The following TMEM39A variants were observed in gnomAD, a reference collection of about 807,000 sequenced individuals.
TMEM39A encodes suppressor of SQST-1 aggregates in rpl-43 mutants.
TMEM39A carries 19 observed loss-of-function variants against 51.9 expected under a neutral mutation model. The observed-to-expected ratio is 0.37, with a 90% CI of 0.26 to 0.54. The LOEUF (loss-of-function observed/expected upper bound fraction) is 0.54, where lower values mean the gene tolerates loss of function less well. Among genes scored for constraint, TMEM39A ranks in the 20% least tolerant of loss-of-function variants. The probability of loss-of-function intolerance (pLI) is 0.88; values close to 1 mark genes in which losing one functional copy is unlikely to be tolerated. For missense variants in TMEM39A, 433 were observed against 590.5 expected, an observed-to-expected ratio of 0.73 and a Z score of 2.76; for synonymous variants, 197 against 220.2, an observed-to-expected ratio of 0.89 and a Z score of 0.93.
At chr3:119,449,147 A>G (rs2081165749) in intron 4 of TMEM39A, among the ~76,000 whole-genome samples, 1 of 151,914 alleles carries the variant, frequency 6.6e-6, no homozygotes, top group Non-Finnish European at 1.5e-5. Flanking sequence ...AGGGGCAGAA[A>G]AATATTCATA....
chr3:119,451,408 G>A, intron 4 of TMEM39A: 4 of 779,738 alleles, frequency 5.1e-6, no homozygotes, highest in Non-Finnish European at 7.4e-6. Flanking sequence ...TGAATTATAA[G>A]TTCCAAGATT....
rs1577070457 is a variant in TMEM39A at position 119,463,517 on chromosome 3, C to G, written c.-256G>C. 1 of 398,878 alleles carries G rather than the reference C, an allele frequency of 2.5e-6. No individual in the cohort carries two copies. The highest frequency in any genetic ancestry group is 3.6e-5 in the East Asian group (1 of 28,076). 24.7% of individuals were successfully genotyped at this position (398,878 alleles called of 1,614,324 possible). On this transcript the variant is annotated 5_prime_UTR_variant, in exon 1 of 9. Coordinates refer to ENST00000319172, the MANE Select transcript of TMEM39A (RefSeq NM_018266.3). ...TGTCCAGGCTTCGGGCTGCCAGACT[C>G]AGACCCAGACTCCGACGCAGTTCCA...
At chr3:119,462,988 C>A (rs773977683) in intron 1 of TMEM39A, among the ~76,000 whole-genome samples, 9 of 152,072 alleles carry the variant, frequency 5.9e-5, no homozygotes, top group Non-Finnish European at 1.0e-4. Context: ...CAACTAAAAC[C>A]CAAGGATGAC....
chr3:119,440,185 G>A (rs1384384517), intron 5 of TMEM39A, among the ~76,000 whole-genome samples: 1 of 152,082 alleles, frequency 6.6e-6, no homozygotes, highest in Non-Finnish European at 1.5e-5. Context: ...TAGAGGTGGG[G>A]ATAAGAGGCT....
intron 2 of TMEM39A, among the ~76,000 whole-genome samples, chr3:119,459,436 G>A (rs1013317661): frequency 1.3e-5 from 2 of 152,114 alleles, no homozygotes; most frequent in Non-Finnish European, 2.9e-5. Context: ...GAAGAGGTAG[G>A]GAAAGCAGTG....
intron 5 of TMEM39A, among the ~76,000 whole-genome samples, chr3:119,439,898 G>A (rs1417774865): frequency 6.6e-6 from 1 of 151,984 alleles, no homozygotes; most frequent in African/African-American, 2.4e-5. Flanking sequence ...CTCCTAAGTA[G>A]CTAGGACTAC....
At chr3:119,435,363 G>A (rs975846332) in intron 7 of TMEM39A, 11 of 985,304 alleles carry the variant, frequency 1.1e-5, no homozygotes, top group Non-Finnish European at 1.3e-5. Context: ...AAATCAGTTT[G>A]CTTATCACAC....
At chr3:119,457,307 G>A (rs1052775684) in intron 3 of TMEM39A, among the ~76,000 whole-genome samples, 4 of 152,148 alleles carry the variant, frequency 2.6e-5, no homozygotes, top group African/African-American at 9.7e-5. Context: ...GAGAACAGAA[G>A]AAACCTACAA....
chr3:119,450,898 T>A (rs556421456), intron 4 of TMEM39A, among the ~76,000 whole-genome samples: 2 of 145,752 alleles, frequency 1.4e-5, no homozygotes, highest in Non-Finnish European at 3.0e-5. Flanking sequence ...GCTGCTATAC[T>A]ACTTTTAGGG....
intron 5 of TMEM39A, among the ~76,000 whole-genome samples, chr3:119,441,243 A>G (rs1158744331): frequency 1.3e-5 from 2 of 152,232 alleles, no homozygotes; most frequent in Non-Finnish European, 2.9e-5. Context: ...CAAAAAGTGG[A>G]TATTAAGCTT....
At chr3:119,439,579 CAAA>C (rs201923985) in intron 5 of TMEM39A, among the ~76,000 whole-genome samples, 56 of 100,280 alleles carry the variant, frequency 5.6e-4, no homozygotes, top group African/African-American at 2.0e-3. Flanking sequence ...AACTCCTTCT[CAAA>C]AAAAAAAAAA....
At chr3:119,457,496 A>G (rs2081281661) in intron 3 of TMEM39A, among the ~76,000 whole-genome samples, 1 of 152,156 alleles carries the variant, frequency 6.6e-6, no homozygotes, top group Non-Finnish European at 1.5e-5. Flanking sequence ...TGTCCTTTAC[A>G]TTGCCCTAAG....
intron 5 of TMEM39A, among the ~76,000 whole-genome samples, chr3:119,439,387 C>A (rs2081018739): frequency 6.6e-6 from 1 of 152,020 alleles, no homozygotes. Context: ...TCAAGACCAG[C>A]CTGGTCAACA....
At chr3:119,452,739 T>C (rs1367920218) in intron 3 of TMEM39A, among the ~76,000 whole-genome samples, 4 of 152,228 alleles carry the variant, frequency 2.6e-5, no homozygotes, top group Non-Finnish European at 5.9e-5. Context: ...AACACTATTT[T>C]AAACTACCTG....
At chr3:119,442,177 C>T (rs2081063166) in intron 5 of TMEM39A, among the ~76,000 whole-genome samples, 1 of 152,090 alleles carries the variant, frequency 6.6e-6, no homozygotes, top group African/African-American at 2.4e-5. Flanking sequence ...CCCGACTCTA[C>T]TAAAAATCCA....
chr3:119,448,472 G>A (rs1277323862), intron 4 of TMEM39A, among the ~76,000 whole-genome samples: 4 of 152,094 alleles, frequency 2.6e-5, no homozygotes, highest in Non-Finnish European at 5.9e-5. Context: ...ATCATATTAT[G>A]GAGTACCTAT....
intron 1 of TMEM39A, among the ~76,000 whole-genome samples, chr3:119,463,095 G>A (rs766951565): frequency 1.3e-5 from 2 of 152,236 alleles, no homozygotes; most frequent in African/African-American, 2.4e-5. Context: ...ACCGCTGGAT[G>A]CAGGGGCTGC....
Position 119,438,116 on chromosome 3 carries a change from G to A in TMEM39A, c.576-13C>T. 6.4e-7 allele frequency: 1 copy of A among 1,566,964 alleles called. No individual in the cohort carries two copies. Among genetic ancestry groups the A allele is most frequent in the South Asian group, 1.1e-5 (1 of 87,860 alleles). ...ATAAACACCAAACCTGTAAAACAAA[G>A]TGTGAAAATGAGACCACAGATACCA... On this transcript the variant is annotated splice_polypyrimidine_tract_variant and intron_variant, in intron 5 of 8. Coordinates refer to ENST00000319172, the MANE Select transcript of TMEM39A (RefSeq NM_018266.3).
chr3:119,446,847 C>T, intron 5 of TMEM39A, 171 bp downstream of exon 5: 1 of 760,448 alleles, frequency 1.3e-6, no homozygotes, highest in Non-Finnish European at 2.1e-6. Context: ...CCCAACTGTA[C>T]TCCAGTTTAG....
Sources: gnomAD v4.1 joint callset for allele counts (sites outside exome capture counted in the v4.1 genomes callset) on GRCh38, gnomAD v4.1.1 for gene constraint, MANE v1.5 for transcripts, NCBI Gene and HGNC (gene_info 2026-07-23, HGNC 2026-07-21) for gene names.